Variants in GRM1 observed in about 807,000 individuals in gnomAD.
GRM1 encodes the protein glutamate metabotropic receptor 1, also known as metabotropic glutamate receptor 1.
A neutral mutation model predicts 90.9 loss-of-function variants in GRM1; 33 were observed. That is an observed-to-expected ratio of 0.36 (90% confidence interval 0.28 to 0.49). The LOEUF is 0.49. GRM1 is among the 20% of genes least tolerant of loss of function. The pLI, the probability that GRM1 is intolerant of heterozygous loss-of-function variation, is 0.99. For synonymous variants in GRM1, 700 were observed against 613.2 expected (o/e 1.14, Z -2.09); for missense variants, 1,190 against 1,534.3 (o/e 0.78, Z 3.75).
intron 7 of GRM1, among the ~76,000 whole-genome samples, chr6:146,407,015 G>T (rs1178671260): frequency 6.6e-6 from 1 of 152,134 alleles, no homozygotes; most frequent in Non-Finnish European, 1.5e-5. Context: ...GTGCCTAGGT[G>T]GCCAGCGCAA....
intron 3 of GRM1, among the ~76,000 whole-genome samples, chr6:146,321,036 C>G (rs552458856): frequency 6.6e-6 from 1 of 151,912 alleles, no homozygotes; most frequent in African/African-American, 2.4e-5. Context: ...TTTGCTCTTG[C>G]TTCTCTAGTT....
intron 5 of GRM1, among the ~76,000 whole-genome samples, chr6:146,375,245 A>G (rs1214869190): frequency 6.6e-6 from 1 of 151,972 alleles, no homozygotes; most frequent in Non-Finnish European, 1.5e-5. Context: ...GATCCTTGAT[A>G]TTATTTAAAT....
At position 146,302,910 on chromosome 6, in the gene GRM1, G is replaced by GAGGAAGGA. The variant is rs368002136; in HGVS notation, c.951-1680_951-1673dup. ...GAACGAAGGGAGGAAGGGAGGGAGG[G>GAGGAAGGA]AGGAAGGAAGGAAGGAAGGAAGGAA... On this transcript the variant is annotated intron_variant, in intron 2 of 7. Coordinates refer to ENST00000282753, the MANE Select transcript of GRM1 (RefSeq NM_001278064.2). Among the ~76,000 whole-genome samples the GAGGAAGGA allele has an allele frequency of 4.1e-3, 629 of 151,578 alleles. 12 individuals carry two copies. In the East Asian group the frequency reaches 0.086, roughly 21 times the overall value.
intron 1 of GRM1, among the ~76,000 whole-genome samples, chr6:146,095,746 G>A (rs1014000211): frequency 6.6e-6 from 1 of 152,094 alleles, no homozygotes. Flanking sequence ...ATTCTGCCAT[G>A]AGATTCATGA....
intron 7 of GRM1, among the ~76,000 whole-genome samples, chr6:146,419,289 G>C (rs1399057691): frequency 6.6e-6 from 1 of 152,170 alleles, no homozygotes; most frequent in Non-Finnish European, 1.5e-5. Context: ...TTTTGTTTTG[G>C]ATAGCATGAA....
chr6:146,180,068 C>T (rs536124623), intron 2 of GRM1, among the ~76,000 whole-genome samples: 1 of 152,106 alleles, frequency 6.6e-6, no homozygotes, highest in East Asian at 1.9e-4. Context: ...TTGCTTGAAC[C>T]TGGGAGGTCA....
At chr6:146,099,421 A>G (rs1583000267) in intron 1 of GRM1, among the ~76,000 whole-genome samples, 1 of 152,300 alleles carries the variant, frequency 6.6e-6, no homozygotes, top group East Asian at 1.9e-4. Context: ...CAGACCAAAT[A>G]GAACATTTCA....
At chr6:146,326,274 G>A (rs903224434) in intron 3 of GRM1, among the ~76,000 whole-genome samples, 8 of 152,168 alleles carry the variant, frequency 5.3e-5, no homozygotes, top group African/African-American at 1.9e-4. Flanking sequence ...AAAGAATGAG[G>A]TTATGGCCTT....
At chr6:146,243,626 A>G (rs1583213322) in intron 2 of GRM1, among the ~76,000 whole-genome samples, 2 of 152,116 alleles carry the variant, frequency 1.3e-5, no homozygotes, top group East Asian at 3.9e-4. Context: ...AAATATCACA[A>G]GGCAAATGGA....
intron 7 of GRM1, among the ~76,000 whole-genome samples, chr6:146,410,111 A>G (rs1777507999): frequency 6.6e-6 from 1 of 152,224 alleles, no homozygotes; most frequent in South Asian, 2.1e-4. Context: ...TTATGTAATA[A>G]AAGTACATTA....
intron 2 of GRM1, among the ~76,000 whole-genome samples, chr6:146,263,197 A>T (rs1320424311): frequency 6.6e-6 from 1 of 152,022 alleles, no homozygotes; most frequent in East Asian, 1.9e-4. Flanking sequence ...GTACAAAAAA[A>T]TTTAGAAATG....
intron 1 of GRM1, among the ~76,000 whole-genome samples, chr6:146,109,840 A>G (rs530120365): frequency 2.1e-4 from 32 of 152,326 alleles, no homozygotes; most frequent in African/African-American, 6.7e-4. Context: ...AGAGACATGG[A>G]GTCAAAGGAG....
intron 5 of GRM1, among the ~76,000 whole-genome samples, chr6:146,366,707 G>A (rs1775703277): frequency 6.6e-6 from 1 of 152,048 alleles, no homozygotes; most frequent in Non-Finnish European, 1.5e-5. Flanking sequence ...CTTCTTTTGA[G>A]ATATGTCTAG....
chr6:146,304,825 A>G lies in GRM1; in HGVS notation c.1165A>G (p.Asn389Asp). The change falls in exon 3 of 8, where the codon AAC (asparagine) becomes GAC (aspartate). Residue 389 changes from asparagine to aspartate, a missense_variant. Transcript: ENST00000282753. ...RLPGHLLENP[N>D]FKRICTGNES... ...TCCAGGACACCTTCTGGAAAATCCC[A>G]ACTTTAAACGAATCTGCACAGGTAA... is the stretch of plus-strand genomic sequence containing the variant. The G allele has an allele frequency of 6.2e-7, 1 of 1,612,414 alleles. No homozygotes were observed.
intron 2 of GRM1, among the ~76,000 whole-genome samples, chr6:146,296,190 G>A (rs1412736612): frequency 6.6e-6 from 1 of 152,184 alleles, no homozygotes; most frequent in Non-Finnish European, 1.5e-5. Context: ...TTACTTGCAT[G>A]TGTCTTTATG....
intron 5 of GRM1, among the ~76,000 whole-genome samples, chr6:146,374,046 C>T (rs1776002030): frequency 6.6e-6 from 1 of 152,052 alleles, no homozygotes; most frequent in African/African-American, 2.4e-5. Flanking sequence ...CTTTTATCCC[C>T]AGTTTTGAGG....
intron 1 of GRM1, among the ~76,000 whole-genome samples, chr6:146,098,721 A>G (rs1776950807): frequency 6.6e-6 from 1 of 152,110 alleles, no homozygotes; most frequent in East Asian, 1.9e-4. Flanking sequence ...TAATTTAACC[A>G]TGGGGGTGGC....
rs1311706536 is a variant in GRM1 at position 146,159,611 on chromosome 6, TC to T, written c.950+15del. 8.2e-6 allele frequency: 7 copies of T among 856,360 alleles called. No individual in the cohort carries two copies. The highest frequency in any genetic ancestry group is 1.1e-5 in the Non-Finnish European group (7 of 618,662). The allele number at this position is 856,360 out of a possible 1,614,324, so 53.0% of individuals were successfully genotyped here. The stretch of plus-strand genomic sequence containing the variant: ...ACTCATTGGAAGGTAAGTTTCTCTC[TC>T]TCTCTCTCTCTCTCTCTCTCTCTCT... On this transcript the variant is annotated intron_variant, in intron 2 of 7. Coordinates refer to ENST00000282753, the MANE Select transcript of GRM1 (RefSeq NM_001278064.2).
At chr6:146,270,086 G>A (rs1782058417) in intron 2 of GRM1, among the ~76,000 whole-genome samples, 1 of 151,876 alleles carries the variant, frequency 6.6e-6, no homozygotes, top group African/African-American at 2.4e-5. Flanking sequence ...TTATGTTTTT[G>A]TCCATCACAA....
Sources: allele counts gnomAD v4.1 joint callset (sites outside exome capture counted in the v4.1 genomes callset), GRCh38; gene constraint gnomAD v4.1.1; transcripts MANE v1.5; gene names NCBI Gene and HGNC (gene_info 2026-07-23, HGNC 2026-07-21).